LRP1B: variants seen among roughly 807,000 people sequenced by gnomAD.
LRP1B encodes LDL receptor related protein 1B.
LRP1B carries 217 observed loss-of-function variants against 556.6 expected under a neutral mutation model. The observed-to-expected ratio is 0.39, with a 90% confidence interval of 0.35 to 0.44. The LOEUF (loss-of-function observed/expected upper bound fraction) is 0.44. Ranked by LOEUF, LRP1B falls within the 20% of genes least tolerant of loss-of-function variation. LRP1B has a pLI of 1.00. For missense variants in LRP1B, 5,053 were observed against 5,620.8 expected, an observed-to-expected ratio of 0.90 and a Z score of 3.23; for synonymous variants, 2,047 against 1,865.8, an observed-to-expected ratio of 1.10 and a Z score of -2.50.
chr2:140,363,579 A>G (rs917394153), intron 72 of LRP1B, among the ~76,000 whole-genome samples: 1 of 151,626 alleles, frequency 6.6e-6, no homozygotes, highest in Non-Finnish European at 1.5e-5. Flanking sequence ...CCTGGTGATT[A>G]CCCAGAGTTT....
At chr2:141,889,934 C>A (rs967698934) in intron 1 of LRP1B, among the ~76,000 whole-genome samples, 1 of 152,022 alleles carries the variant, frequency 6.6e-6, no homozygotes, top group Admixed American at 6.6e-5. Flanking sequence ...GTTAGTGACA[C>A]TGTACCACAC....
intron 41 of LRP1B, among the ~76,000 whole-genome samples, chr2:140,653,937 A>C (rs1187412456): frequency 6.7e-6 from 1 of 148,730 alleles, no homozygotes; most frequent in Non-Finnish European, 1.5e-5. Flanking sequence ...AGGCAGGAGA[A>C]TCGCTTGAAC....
intron 2 of LRP1B, among the ~76,000 whole-genome samples, chr2:141,683,499 G>A (rs190948295): frequency 9.9e-4 from 151 of 152,128 alleles, no homozygotes; most frequent in East Asian, 1.9e-4. Flanking sequence ...GTTACACAGC[G>A]GCAGGAAACA....
In LRP1B at chr2:141,186,422, C is replaced by T. The variant is rs370491828; in HGVS notation, c.1013+1999G>A. Among the ~76,000 whole-genome samples, 23 of 152,002 alleles carry T rather than the reference C, an allele frequency of 1.5e-4. No individual in the cohort carries two copies. The East Asian group carries it at 3.5e-3, about 23-fold the overall frequency. On this transcript the variant is annotated intron_variant, in intron 7 of 90. Coordinates refer to ENST00000389484, the MANE Select transcript of LRP1B (RefSeq NM_018557.3). ...AAGATAAAGGAAAAATCTCCTGTTCCGTTCTTAGATAGAATCACATCAATC... is the reference window on the plus strand; with the variant it reads ...AAGATAAAGGAAAAATCTCCTGTTCTGTTCTTAGATAGAATCACATCAATC...
intron 11 of LRP1B, among the ~76,000 whole-genome samples, chr2:141,047,202 A>G (rs928489109): frequency 5.9e-5 from 9 of 152,114 alleles, no homozygotes; most frequent in Non-Finnish European, 1.2e-4. Context: ...TATCACATTA[A>G]GAGAAAAGTA....
Position 141,894,318 on chromosome 2 carries a change from TA to T in LRP1B, c.83-83918del, listed in dbSNP as rs573228958. Among the ~76,000 whole-genome samples, 24 of 152,092 alleles carry T rather than the reference TA, an allele frequency of 1.6e-4. No individual in the cohort carries two copies. In the East Asian group the frequency reaches 4.5e-3, roughly 28 times the overall value. ...AAGTCTCAAAACTGCCTCTAAATCA[TA>T]AAAATTTTCCCTCCCTCCCTCCTTC... On this transcript the variant is annotated intron_variant, in intron 1 of 90. Transcript: ENST00000389484.
chr2:142,120,038 C>T (rs577371212), intron 1 of LRP1B, among the ~76,000 whole-genome samples: 9 of 149,556 alleles, frequency 6.0e-5, no homozygotes, highest in African/African-American at 1.7e-4. Context: ...AGGTAATAAC[C>T]GTATATCATA....
At position 141,314,694 on chromosome 2, in the gene LRP1B, G is replaced by A. The variant is rs188665461; in HGVS notation, c.344-60053C>T. ...TAGTCCCACCTAATCGGGAGGCTGA[G>A]GCAGGAGAATGGCGTGAACCCGGGA... On this transcript the variant is annotated intron_variant, in intron 3 of 90. Transcript: ENST00000389484. Among the ~76,000 whole-genome samples the A allele has an allele frequency of 1.2e-3, 182 of 149,108 alleles. 1 individual carries two copies. Among genetic ancestry groups the A allele is most frequent in the African/African-American group, 4.3e-3 (175 of 40,540 alleles).
intron 32 of LRP1B, among the ~76,000 whole-genome samples, chr2:140,793,430 A>T (rs558148955): frequency 6.6e-6 from 1 of 152,120 alleles, no homozygotes; most frequent in South Asian, 2.1e-4. Context: ...TATCTTAGAT[A>T]ATTTACTATT....
At chr2:141,588,141 T>C (rs1255204496) in intron 2 of LRP1B, among the ~76,000 whole-genome samples, 1 of 152,250 alleles carries the variant, frequency 6.6e-6, no homozygotes, top group Non-Finnish European at 1.5e-5. Flanking sequence ...ATAAGTTATC[T>C]TGAGATATAT....
At chr2:141,349,747 C>G (rs1389264591) in intron 3 of LRP1B, among the ~76,000 whole-genome samples, 1 of 152,038 alleles carries the variant, frequency 6.6e-6, no homozygotes, top group Non-Finnish European at 1.5e-5. Flanking sequence ...CATTCTGGGA[C>G]AGGAGTTGGC....
chr2:140,797,486 A>G (rs141813204), intron 32 of LRP1B, among the ~76,000 whole-genome samples: 3,097 of 152,172 alleles, frequency 0.02, 103 homozygotes, highest in African/African-American at 0.071. Flanking sequence ...ATTTACTAGA[A>G]ATTTCTCTTA....
At chr2:140,275,014 T>C (rs1682610212) in intron 84 of LRP1B, among the ~76,000 whole-genome samples, 1 of 151,996 alleles carries the variant, frequency 6.6e-6, no homozygotes, top group Non-Finnish European at 1.5e-5. Context: ...AATGTTTGGT[T>C]GTTGGACGCC....
intron 1 of LRP1B, among the ~76,000 whole-genome samples, chr2:141,821,119 A>G (rs1696737554): frequency 6.6e-6 from 1 of 152,244 alleles, no homozygotes; most frequent in Admixed American, 6.5e-5. Context: ...GCTGGGAAGG[A>G]CAGGGAAATG....
At chr2:141,738,395 C>T (rs1165123018) in intron 2 of LRP1B, among the ~76,000 whole-genome samples, 2 of 152,084 alleles carry the variant, frequency 1.3e-5, no homozygotes, top group East Asian at 3.9e-4. Flanking sequence ...GCTCCATGTA[C>T]AGCTGCACAG....
intron 18 of LRP1B, among the ~76,000 whole-genome samples, chr2:140,952,326 G>T (rs1301602565): frequency 3.9e-5 from 6 of 152,128 alleles, no homozygotes; most frequent in African/African-American, 1.4e-4. Context: ...CTTTAATAGT[G>T]GAAGGCCTTT....
At chr2:141,016,326 T>A (rs182567038) in intron 12 of LRP1B, among the ~76,000 whole-genome samples, 1 of 152,248 alleles carries the variant, frequency 6.6e-6, no homozygotes, top group African/African-American at 2.4e-5. Context: ...TTGACTGACA[T>A]GAGAACCCAC....
At chr2:140,803,912 A>G (rs977063545) in intron 32 of LRP1B, among the ~76,000 whole-genome samples, 3 of 145,538 alleles carry the variant, frequency 2.1e-5, no homozygotes, top group Non-Finnish European at 4.5e-5. Flanking sequence ...AAGATATGAC[A>G]AAAGCAATGG....
At chr2:141,587,915 C>T (rs1212351781) in intron 2 of LRP1B, among the ~76,000 whole-genome samples, 4 of 152,118 alleles carry the variant, frequency 2.6e-5, no homozygotes, top group Admixed American at 1.3e-4. Context: ...ACAAAATACA[C>T]GTATACACCA....
Sources: allele counts gnomAD v4.1 joint callset (sites outside exome capture counted in the v4.1 genomes callset), GRCh38; gene constraint gnomAD v4.1.1; transcripts MANE v1.5; gene names NCBI Gene and HGNC (gene_info 2026-07-23, HGNC 2026-07-21).